Variants in IL1RAPL2 observed in about 807,000 individuals in gnomAD.
IL1RAPL2 encodes the protein interleukin 1 receptor accessory protein like 2, also known as X-linked interleukin-1 receptor accessory protein-like 2.
Under a neutral mutation model 44.1 loss-of-function variants are expected in IL1RAPL2, and 3 were observed. The observed-to-expected ratio is 0.07, with a 90% CI of 0.03 to 0.18. The LOEUF (loss-of-function observed/expected upper bound fraction) is 0.18, where lower values mean the gene tolerates loss of function less well. Ranked by LOEUF, IL1RAPL2 falls within the 10% of genes least tolerant of loss-of-function variation. The pLI, the probability that IL1RAPL2 is intolerant of heterozygous loss-of-function variation, is 1.00. For missense variants in IL1RAPL2, 391 were observed against 496.4 expected, an observed-to-expected ratio of 0.79 and a Z score of 2.02; for synonymous variants, 181 against 178.8, an observed-to-expected ratio of 1.01 and a Z score of -0.10.
intron 2 of IL1RAPL2, among the ~76,000 whole-genome samples, chrX:105,155,868 C>T (rs189089198): frequency 9.0e-6 from 1 of 111,219 alleles, no homozygotes; most frequent in Admixed American, 9.5e-5. Flanking sequence ...GAATATGTAT[C>T]AAAATGTTCC....
At chrX:105,491,615 C>T (rs2036319619) in intron 6 of IL1RAPL2, among the ~76,000 whole-genome samples, 1 of 111,823 alleles carries the variant, frequency 8.9e-6, no homozygotes, top group African/African-American at 3.2e-5. Flanking sequence ...CCCTTGTAGA[C>T]ATTCTAGGGT....
intron 2 of IL1RAPL2, among the ~76,000 whole-genome samples, chrX:105,169,414 A>G: frequency 9.6e-6 from 1 of 104,060 alleles, no homozygotes; most frequent in South Asian, 4.6e-4. Flanking sequence ...AAAAACAACC[A>G]TGATCCCTGA....
Position 105,336,730 on chromosome X carries a change from A to G in IL1RAPL2, c.697+69189A>G, listed in dbSNP as rs757544899. Among the ~76,000 whole-genome samples, 3 of 112,237 alleles carry G rather than the reference A, an allele frequency of 2.7e-5. No individual in the cohort carries two copies. The East Asian group carries it at 8.5e-4, about 32-fold the overall frequency. The stretch of plus-strand genomic sequence containing the variant: ...TTCCAGATGCTCTGCTGGCAAAGTC[A>G]TCATGGCTATTCTGTTGATACCTTC... On this transcript the variant is annotated intron_variant, in intron 5 of 10. Transcript: ENST00000372582.
intron 1 of IL1RAPL2, among the ~76,000 whole-genome samples, chrX:104,583,890 T>C (rs1928459797): frequency 9.0e-6 from 1 of 111,666 alleles, no homozygotes; most frequent in Non-Finnish European, 1.9e-5. Flanking sequence ...GACTCAGGAA[T>C]TAATGGATGA....
chrX:105,043,902 A>G (rs1302887326), intron 2 of IL1RAPL2, among the ~76,000 whole-genome samples: 2 of 112,290 alleles, frequency 1.8e-5, no homozygotes, highest in Non-Finnish European at 3.8e-5. Context: ...AATAATAACA[A>G]CAAACTAAAA....
At chrX:105,365,123 T>A (rs945271013) in intron 5 of IL1RAPL2, among the ~76,000 whole-genome samples, 1 of 111,971 alleles carries the variant, frequency 8.9e-6, no homozygotes, top group Non-Finnish European at 1.9e-5. Flanking sequence ...ATGTTGAGTG[T>A]TATTGCAGGC....
intron 2 of IL1RAPL2, among the ~76,000 whole-genome samples, chrX:104,715,112 G>A (rs753648389): frequency 1.8e-5 from 2 of 109,837 alleles, no homozygotes; most frequent in Non-Finnish European, 3.8e-5. Flanking sequence ...TCTGGTCCTG[G>A]GCTTTTTCTC....
chrX:104,667,670 A>G (rs768389796), intron 2 of IL1RAPL2, among the ~76,000 whole-genome samples: 95 of 111,628 alleles, frequency 8.5e-4, no homozygotes, highest in African/African-American at 3.0e-3. Context: ...CTTTGTGTGG[A>G]CATCATTAGC....
At chrX:105,562,749 C>A (rs1008444281) in intron 6 of IL1RAPL2, among the ~76,000 whole-genome samples, 42 of 111,313 alleles carry the variant, frequency 3.8e-4, no homozygotes, top group African/African-American at 1.3e-3. Context: ...AGTAGGGAGG[C>A]TCCCATACTC....
intron 1 of IL1RAPL2, among the ~76,000 whole-genome samples, chrX:104,632,102 G>A (rs899847434): frequency 9.0e-6 from 1 of 111,489 alleles, no homozygotes; most frequent in Non-Finnish European, 1.9e-5. Flanking sequence ...ATAGGGGATT[G>A]TTTCCCCATT....
intron 6 of IL1RAPL2, among the ~76,000 whole-genome samples, chrX:105,575,935 C>G (rs2037046894): frequency 9.0e-6 from 1 of 111,016 alleles, no homozygotes; most frequent in African/African-American, 3.3e-5. Flanking sequence ...TGATATTAAG[C>G]TTTTTTTTCA....
chrX:104,847,804 G>A (rs1377602559), intron 2 of IL1RAPL2, among the ~76,000 whole-genome samples: 1 of 111,729 alleles, frequency 9.0e-6, no homozygotes, highest in Non-Finnish European at 1.9e-5. Flanking sequence ...TTTTCACGAT[G>A]TTGATTCTTC....
chrX:105,346,109 G>A (rs1347723085), intron 5 of IL1RAPL2, among the ~76,000 whole-genome samples: 2 of 111,459 alleles, frequency 1.8e-5, no homozygotes, highest in African/African-American at 3.3e-5. Flanking sequence ...AAAAAAACAA[G>A]CATTGTCTTA....
At chrX:105,643,332 G>C (rs1293652072) in intron 6 of IL1RAPL2, among the ~76,000 whole-genome samples, 1 of 111,853 alleles carries the variant, frequency 8.9e-6, no homozygotes, top group Non-Finnish European at 1.9e-5. Flanking sequence ...TAGAACCAGA[G>C]TTTAGAACCA....
intron 6 of IL1RAPL2, among the ~76,000 whole-genome samples, chrX:105,541,384 G>A (rs1471440703): frequency 9.0e-6 from 1 of 110,916 alleles, no homozygotes; most frequent in Non-Finnish European, 1.9e-5. Context: ...GAGAGTAAGT[G>A]GAAAAGTACA....
intron 2 of IL1RAPL2, among the ~76,000 whole-genome samples, chrX:104,845,343 C>T (rs1346826421): frequency 8.9e-6 from 1 of 112,184 alleles, no homozygotes; most frequent in Non-Finnish European, 1.9e-5. Context: ...TTCAGGAATA[C>T]TTATGTCATC....
intron 2 of IL1RAPL2, among the ~76,000 whole-genome samples, chrX:105,151,477 C>T (rs2033226869): frequency 9.1e-6 from 1 of 109,982 alleles, no homozygotes; most frequent in Non-Finnish European, 1.9e-5. Context: ...ATGGTGTCTA[C>T]TCTACAGGCA....
intron 5 of IL1RAPL2, among the ~76,000 whole-genome samples, chrX:105,339,250 G>A (rs2147698428): frequency 8.9e-6 from 1 of 112,107 alleles, no homozygotes; most frequent in Admixed American, 9.5e-5. Flanking sequence ...GTTTCTCTTG[G>A]ATGCTGTACT....
intron 2 of IL1RAPL2, among the ~76,000 whole-genome samples, chrX:105,073,027 C>G (rs1456505620): frequency 1.9e-5 from 2 of 105,083 alleles, no homozygotes. Context: ...GTATATGTGC[C>G]ACATTTTCTT....
Sources: allele counts gnomAD v4.1 joint callset (sites outside exome capture counted in the v4.1 genomes callset), GRCh38; gene constraint gnomAD v4.1.1; transcripts MANE v1.5; gene names NCBI Gene and HGNC (gene_info 2026-07-23, HGNC 2026-07-21).